The following STAT3 variants were observed in gnomAD, a reference collection of about 807,000 sequenced individuals.
The protein encoded by STAT3 is DNA-binding protein APRF.
STAT3 carries 7 observed loss-of-function variants against 114.3 expected under a neutral mutation model. The ratio of observed to expected loss-of-function variants is 0.06; its 90% CI spans 0.03 to 0.11. The LOEUF (loss-of-function observed/expected upper bound fraction) is 0.11. Ranked by LOEUF, STAT3 falls within the 10% of genes least tolerant of loss-of-function variation. STAT3 has a pLI of 1.00. For missense variants in STAT3, 364 were observed against 960.9 expected (o/e 0.38, Z 8.21); for synonymous variants, 331 against 354.5 (o/e 0.93, Z 0.74).
At chr17:42,336,954 C>T (rs1453544302) in intron 8 of STAT3, among the ~76,000 whole-genome samples, 2 of 151,802 alleles carry the variant, frequency 1.3e-5, no homozygotes, top group African/African-American at 4.8e-5. Context: ...CAAAGTTTCT[C>T]CAAATAAAGT....
In STAT3 at chr17:42,346,751, C is replaced by A. The variant is rs752976159; in HGVS notation, c.129-38G>T. The A allele has an allele frequency of 6.8e-6, 11 of 1,613,606 alleles. No homozygotes were observed. The African/African-American group carries it at 1.3e-4, about 20-fold the overall frequency. On this transcript the variant is annotated intron_variant, in intron 2 of 23. Transcript: ENST00000264657. ...AGAATGATAAAGAATGGCTCTGAAG[C>A]CGACGCATACACACAAACACAGAAA...
Position 42,315,545 on chromosome 17 carries a change from G to T in STAT3, c.*200C>A. 1.6e-6 allele frequency: 1 copy of T among 641,776 alleles called. No homozygotes were observed. Among genetic ancestry groups the T allele is most frequent in the South Asian group, 1.8e-5 (1 of 54,520 alleles). 39.8% of individuals were successfully genotyped at this position (641,776 alleles called of 1,614,324 possible). ...CATCCTTATTTGCATTTAGATAAAAGCAGATCACCCACATTCACTCATTTC... is the reference window on the plus strand; with the variant it reads ...CATCCTTATTTGCATTTAGATAAAATCAGATCACCCACATTCACTCATTTC... On this transcript the variant is annotated 3_prime_UTR_variant, in exon 24 of 24. Coordinates refer to ENST00000264657, the MANE Select transcript of STAT3 (RefSeq NM_139276.3).
intron 1 of STAT3, among the ~76,000 whole-genome samples, chr17:42,352,540 C>G (rs1378712270): frequency 6.6e-6 from 1 of 150,474 alleles, no homozygotes; most frequent in African/African-American, 2.4e-5. Context: ...TTAGATCTCT[C>G]TTACAATATT....
intron 1 of STAT3, among the ~76,000 whole-genome samples, chr17:42,373,826 A>G (rs1365845691): frequency 1.3e-5 from 2 of 151,078 alleles, no homozygotes; most frequent in Non-Finnish European, 2.9e-5. Flanking sequence ...CAGAGCTTGC[A>G]GTGAGCCGAG....
intron 1 of STAT3, among the ~76,000 whole-genome samples, chr17:42,384,108 TTTTATTTA>T (rs1309515120): frequency 1.2e-4 from 17 of 146,302 alleles, no homozygotes; most frequent in African/African-American, 2.3e-4. Flanking sequence ...GGCTCCAAAG[TTTTATTTA>T]TTTATTTATT....
At chr17:42,330,122 CTTTTTTT>C (rs201637887) in intron 11 of STAT3, among the ~76,000 whole-genome samples, 7 of 145,126 alleles carry the variant, frequency 4.8e-5, no homozygotes, top group African/African-American at 1.7e-4. Context: ...TTTCTTTTTT[CTTTTTTT>C]TTTTTTGAGA....
At chr17:42,358,352 G>A (rs1428061091) in intron 1 of STAT3, among the ~76,000 whole-genome samples, 2 of 152,154 alleles carry the variant, frequency 1.3e-5, no homozygotes, top group African/African-American at 4.8e-5. Context: ...AGACTGCAGT[G>A]AGCTGTGATC....
At chr17:42,321,358 C>T (rs996295334) in intron 21 of STAT3, among the ~76,000 whole-genome samples, 3 of 152,034 alleles carry the variant, frequency 2.0e-5, no homozygotes, top group African/African-American at 7.2e-5. Flanking sequence ...CTCCCAGGCT[C>T]AAGTGATCCT....
rs1019766033 is a variant in STAT3, at chr17:42,345,814, C to T, written c.274-157G>A. 3.4e-5 allele frequency among the ~76,000 whole-genome samples: 5 copies of T among 147,290 alleles called. No individual in the cohort carries two copies. The East Asian group carries it at 1.0e-3, about 30-fold the overall frequency. Reference sequence around the variant, plus strand: ...CAGAGCCTGGGTGAAGGCTCTCTGTCGGCGGGGGGCGAAGGGGAGGTCGTT... The same window carrying T: ...CAGAGCCTGGGTGAAGGCTCTCTGTTGGCGGGGGGCGAAGGGGAGGTCGTT... On this transcript the variant is annotated intron_variant, in intron 3 of 23. Transcript: ENST00000264657.
intron 1 of STAT3, among the ~76,000 whole-genome samples, chr17:42,351,662 G>A (rs542519490): frequency 2.0e-5 from 3 of 152,262 alleles, no homozygotes; most frequent in Middle Eastern, 3.4e-3. Context: ...AAATTCCACT[G>A]GTGAAAAAGC....
intron 1 of STAT3, among the ~76,000 whole-genome samples, chr17:42,363,329 A>C (rs1222588248): frequency 1.3e-5 from 2 of 152,142 alleles, no homozygotes; most frequent in East Asian, 3.9e-4. Context: ...AGCACTCCCC[A>C]GCTCAAAAAC....
At position 42,339,322 on chromosome 17, in the gene STAT3, T is replaced by C. The variant is rs2082347176; in HGVS notation, c.460A>G (p.Arg154Gly). 1.2e-6 allele frequency: 2 copies of C among 1,613,454 alleles called. No individual in the cohort carries two copies. Among genetic ancestry groups the C allele is most frequent in the Non-Finnish European group, 8.5e-7 (1 of 1,179,774 alleles). The change falls in exon 5 of 24, where the codon AGA becomes GGA. Residue 154 changes from arginine (R) to glycine (G), a missense_variant. Physicochemically the swap from Arg to Gly is moderately radical, Grantham distance 125 (BLOSUM62 -2). This residue lies in a region of STAT3 where 294 missense variants were observed against 745.1 expected (regional missense o/e 0.39). Transcript: ENST00000264657. Reference sequence around the variant, plus strand: ...CTTGTAACTTGCATCACCTGCACTCTCTTCCGGACATCCTGAAGGTGCTGC... The same window carrying C: ...CTTGTAACTTGCATCACCTGCACTCCCTTCCGGACATCCTGAAGGTGCTGC... ...LEQHLQDVRK[R>G]VQDLEQKMKV...
chr17:42,366,241 A>C (rs1308627633), intron 1 of STAT3, among the ~76,000 whole-genome samples: 1 of 152,132 alleles, frequency 6.6e-6, no homozygotes, highest in Non-Finnish European at 1.5e-5. Flanking sequence ...CTAGCAAGTG[A>C]CAACTCCATT....
At position 42,324,944 on chromosome 17, in the gene STAT3, A is replaced by G. The variant is rs1367919612; in HGVS notation, c.1464+19T>C. On this transcript the variant is annotated intron_variant, in intron 16 of 23. Transcript: ENST00000264657. The surrounding 1 kb of genome is among the most constrained non-coding windows in gnomAD (Gnocchi z 4.5). The stretch of plus-strand genomic sequence containing the variant: ...CGCAAGAGATCCCGGGGCACCAACT[A>G]AAAGGAGGGGGCACTAACCTTGGGA... The G allele has an allele frequency of 6.2e-7, 1 of 1,614,150 alleles. No individual in the cohort carries two copies. The highest frequency in any genetic ancestry group is 1.7e-5 in the Admixed American group (1 of 60,022).
intron 1 of STAT3, among the ~76,000 whole-genome samples, chr17:42,361,043 C>A (rs1389021472): frequency 6.6e-6 from 1 of 152,202 alleles, no homozygotes; most frequent in Non-Finnish European, 1.5e-5. Context: ...CTCCTCACAA[C>A]ATCTTCTCCC....
chr17:42,363,559 T>C lies in STAT3; in HGVS notation c.-23-15020A>G, dbSNP rs1238103576. 5.3e-5 allele frequency among the ~76,000 whole-genome samples: 8 copies of C among 151,650 alleles called. No homozygotes were observed. In the East Asian group the frequency reaches 1.5e-3, roughly 29 times the overall value. ...CCTGGGCTCAAGCAACCCTCCCACCTCAGCCTCCTGAGTAACTGGGATTAC... is the reference window on the plus strand; with the variant it reads ...CCTGGGCTCAAGCAACCCTCCCACCCCAGCCTCCTGAGTAACTGGGATTAC... On this transcript the variant is annotated intron_variant, in intron 1 of 23. Coordinates refer to ENST00000264657, the MANE Select transcript of STAT3 (RefSeq NM_139276.3).
chr17:42,315,839 C>T, intron 23 of STAT3, 39 bp from the exon 24 acceptor site: 1 of 1,613,698 alleles, frequency 6.2e-7, no homozygotes, highest in Non-Finnish European at 8.5e-7. Flanking sequence ...CAGTTGTCCA[C>T]CCTCTGCAAC....
At chr17:42,316,093 G>C (rs2081236960) in intron 23 of STAT3, 1 of 1,352,676 alleles carries the variant, frequency 7.4e-7, no homozygotes, top group South Asian at 1.7e-5. Flanking sequence ...TAATTCAGGA[G>C]CCCCGAGACA....
intron 11 of STAT3, among the ~76,000 whole-genome samples, chr17:42,330,468 G>A (rs1244782928): frequency 3.7e-5 from 5 of 134,278 alleles, no homozygotes; most frequent in East Asian, 4.3e-4. Context: ...AGTCTCTGTC[G>A]CCCAGGCTGG....
Sources: allele counts gnomAD v4.1 joint callset (sites outside exome capture counted in the v4.1 genomes callset), GRCh38; gene constraint gnomAD v4.1.1; regional missense constraint gnomAD v4.1.1; non-coding constraint Gnocchi (gnomAD v3.1); transcripts MANE v1.5; gene names NCBI Gene and HGNC (gene_info 2026-07-23, HGNC 2026-07-21).